The following CNTN1 variants were observed in gnomAD, a reference collection of about 807,000 sequenced individuals.
CNTN1 encodes contactin-1.
CNTN1 carries 38 observed loss-of-function variants against 126.4 expected under a neutral mutation model. The ratio of observed to expected loss-of-function variants is 0.30; its 90% CI spans 0.23 to 0.39. CNTN1 has a LOEUF of 0.39. Among genes scored for constraint, CNTN1 ranks in the 10% least tolerant of loss-of-function variants. The pLI is 1.00. For missense variants in CNTN1, 1,009 were observed against 1,248.4 expected (o/e 0.81, Z 2.89); for synonymous variants, 413 against 422.6 (o/e 0.98, Z 0.28).
chr12:40,996,333 A>G (rs1321955254), intron 17 of CNTN1, among the ~76,000 whole-genome samples: 1 of 152,002 alleles, frequency 6.6e-6, no homozygotes, highest in Non-Finnish European at 1.5e-5. Context: ...GGGTTTCTCC[A>G]TGTTGCCCAG....
intron 21 of CNTN1, among the ~76,000 whole-genome samples, chr12:41,026,221 C>A (rs541327564): frequency 1.3e-5 from 2 of 152,262 alleles, no homozygotes; most frequent in South Asian, 4.1e-4. Context: ...CAAAAATATG[C>A]TGTGTGCTCA....
chr12:40,697,523 AAC>A (rs1381780000), intron 1 of CNTN1, among the ~76,000 whole-genome samples: 1 of 152,210 alleles, frequency 6.6e-6, no homozygotes, highest in Non-Finnish European at 1.5e-5. Context: ...AATGCTTTCT[AAC>A]ACACAGAAAT....
chr12:40,993,289 T>C lies in CNTN1; in HGVS notation c.2113+20T>C. 1 of 1,608,460 alleles carries C rather than the reference T, an allele frequency of 6.2e-7. No individual in the cohort carries two copies. On this transcript the variant is annotated intron_variant, in intron 17 of 23. Transcript: ENST00000551295. ...GTGCTGGTATGTATATACAAGAAAC[T>C]TGAAATTTTAAAAGATTTCTAAATA...
chr12:40,899,570 T>A (rs1944534102), intron 1 of CNTN1, among the ~76,000 whole-genome samples: 1 of 152,216 alleles, frequency 6.6e-6, no homozygotes, highest in African/African-American at 2.4e-5. Context: ...TTTTTAGAGA[T>A]GTGTTGGCTG....
chr12:40,955,869 G>C (rs1014974614), intron 14 of CNTN1, among the ~76,000 whole-genome samples: 5 of 152,066 alleles, frequency 3.3e-5, no homozygotes, highest in Non-Finnish European at 7.4e-5. Context: ...CCAAGTAATG[G>C]AAGTGGGAGG....
intron 1 of CNTN1, among the ~76,000 whole-genome samples, chr12:40,846,584 A>G (rs1022234447): frequency 1.1e-4 from 16 of 152,200 alleles, no homozygotes; most frequent in Admixed American, 4.6e-4. Context: ...CTCCACCACA[A>G]CAATGCTCCT....
rs769899922 is a variant in CNTN1 at position 40,924,633 on chromosome 12, C to T, written c.477C>T (p.Asp159=). The change falls in exon 6 of 24, where the codon GAC becomes GAT. Residue 159 remains aspartate (D), a synonymous_variant. Coordinates refer to ENST00000551295, the MANE Select transcript of CNTN1 (RefSeq NM_001843.4). ...GGAAAGGAATGGTGCTTCTCTGTGA[C>T]CCCCCATACCATTTTCCAGGTAAAC... ...KEGKGMVLLC[D]PPYHFPDDLS... is the part of the protein sequence containing the mutation. The T allele has an allele frequency of 1.3e-6, 2 of 1,592,892 alleles. No homozygotes were observed. The highest frequency in any genetic ancestry group is 1.7e-6 in the Non-Finnish European group (2 of 1,161,234).
rs75618426 is a variant in CNTN1, at chr12:40,922,884, T to G, written c.400+456T>G. Among the ~76,000 whole-genome samples the G allele has an allele frequency of 8.6e-4, 129 of 150,478 alleles. 2 individuals are homozygous for G. In the East Asian group the frequency reaches 0.021, roughly 25 times the overall value. ...TACTCGGGAGGCTGAGGCAGGAGAA[T>G]TGATGGAACCTGGGAGGCGGAGGTT... On this transcript the variant is annotated intron_variant, in intron 5 of 23. Coordinates refer to ENST00000551295, the MANE Select transcript of CNTN1 (RefSeq NM_001843.4).
At chr12:40,829,352 A>G (rs572204659) in intron 1 of CNTN1, among the ~76,000 whole-genome samples, 7 of 152,224 alleles carry the variant, frequency 4.6e-5, no homozygotes, top group Admixed American at 2.0e-4. Context: ...TTTATAAAAC[A>G]TAATATATGC....
chr12:41,022,731 C>T (rs192291112), intron 20 of CNTN1, among the ~76,000 whole-genome samples: 299 of 152,242 alleles, frequency 2.0e-3, no homozygotes, highest in African/African-American at 7.0e-3. Flanking sequence ...AGAGGATAGA[C>T]ACTATTATTA....
intron 1 of CNTN1, among the ~76,000 whole-genome samples, chr12:40,715,811 C>T (rs954844699): frequency 2.0e-5 from 3 of 152,076 alleles, no homozygotes; most frequent in Non-Finnish European, 4.4e-5. Flanking sequence ...TTTTAAAAGT[C>T]AGGATGGTAG....
chr12:40,702,122 G>A (rs1056795852), intron 1 of CNTN1, among the ~76,000 whole-genome samples: 1 of 148,436 alleles, frequency 6.7e-6, no homozygotes, highest in Non-Finnish European at 1.5e-5. Context: ...TTTCCCTAGA[G>A]ACAGGGTCTT....
chr12:40,989,546 C>T (rs1464632848), intron 16 of CNTN1, among the ~76,000 whole-genome samples: 1 of 152,010 alleles, frequency 6.6e-6, no homozygotes, highest in Non-Finnish European at 1.5e-5. Flanking sequence ...AAACAGTGCC[C>T]TCCTTCTCTT....
intron 1 of CNTN1, among the ~76,000 whole-genome samples, chr12:40,862,030 C>T (rs921868038): frequency 4.0e-5 from 6 of 149,318 alleles, no homozygotes; most frequent in Non-Finnish European, 5.9e-5. Context: ...CCTGGGCAGC[C>T]GAGTGAGGCC....
chr12:40,836,081 CATATACAGGTATATATATACGTA>C (rs1303625189), intron 1 of CNTN1, among the ~76,000 whole-genome samples: 11 of 103,594 alleles, frequency 1.1e-4, no homozygotes, highest in African/African-American at 2.4e-4. Context: ...TATATACGTA[CATATACAGGTATATATATACGTA>C]CATATACAGG....
chr12:40,744,838 G>A (rs1307705619), intron 1 of CNTN1, among the ~76,000 whole-genome samples: 4 of 152,132 alleles, frequency 2.6e-5, no homozygotes, highest in South Asian at 2.1e-4. Context: ...TCATGGAGGC[G>A]TTTAACACCT....
intron 1 of CNTN1, among the ~76,000 whole-genome samples, chr12:40,700,589 T>C (rs1371724747): frequency 1.3e-5 from 2 of 152,138 alleles, no homozygotes; most frequent in East Asian, 1.9e-4. Context: ...TGTTCAACTT[T>C]AGTCTTCAGG....
At chr12:40,910,198 A>G (rs1944977131) in intron 3 of CNTN1, 93 bp downstream of exon 3, 1 of 1,003,916 alleles carries the variant, frequency 1.0e-6, no homozygotes, top group Non-Finnish European at 1.6e-6. Context: ...CTAAACTTTA[A>G]GGCAAATGGT....
chr12:41,020,682 A>C (rs1948887255), intron 20 of CNTN1, among the ~76,000 whole-genome samples: 2 of 152,164 alleles, frequency 1.3e-5, no homozygotes, highest in African/African-American at 4.8e-5. Flanking sequence ...GCCAAAATAA[A>C]AACTATGGTA....
Sources: gnomAD v4.1 joint callset for allele counts (sites outside exome capture counted in the v4.1 genomes callset) on GRCh38, gnomAD v4.1.1 for gene constraint, MANE v1.5 for transcripts, NCBI Gene and HGNC (gene_info 2026-07-23, HGNC 2026-07-21) for gene names.